Variants in ZNF516 observed in about 807,000 individuals in gnomAD.
ZNF516 encodes zinc finger protein 516.
Under a neutral mutation model 79.7 loss-of-function variants are expected in ZNF516, and 19 were observed. That is an observed-to-expected ratio of 0.24 (90% CI 0.17 to 0.35). The LOEUF is 0.35. Ranked by LOEUF, ZNF516 falls within the 10% of genes least tolerant of loss-of-function variation. The probability of loss-of-function intolerance (pLI) is 1.00; values close to 1 mark genes in which losing one functional copy is unlikely to be tolerated. For missense variants in ZNF516, 1,678 were observed against 1,679.5 expected (o/e 1.00, Z 0.02); for synonymous variants, 877 against 739.5 (o/e 1.19, Z -3.02).
chr18:76,484,330 A>G (rs191934134), intron 1 of ZNF516, among the ~76,000 whole-genome samples: 8 of 152,260 alleles, frequency 5.3e-5, no homozygotes, highest in Non-Finnish European at 8.8e-5. Context: ...TATAACACAT[A>G]TATGATTGTC....
Position 76,442,341 on chromosome 18 carries a change from G to A in ZNF516, c.714C>T (p.Asn238=), listed in dbSNP as rs1438824594. Residue 238 remains asparagine (N), a synonymous_variant, in exon 3 of 7, where the codon AAC becomes AAT. Transcript: ENST00000443185. ...GPGSGEACVE[N]GKPELSPGEF... ...CCCCGGGGCTCAGCTCGGGCTTGCC[G>A]TTCTCCACGCAGGCCTCGCCGCTGC... 28 of 1,610,550 alleles carry A rather than the reference G, an allele frequency of 1.7e-5. No individual in the cohort carries two copies. Among genetic ancestry groups the A allele is most frequent in the Non-Finnish European group, 2.3e-5 (27 of 1,179,170 alleles).
At chr18:76,473,664 G>C (rs1913996460) in intron 1 of ZNF516, among the ~76,000 whole-genome samples, 1 of 151,990 alleles carries the variant, frequency 6.6e-6, no homozygotes, top group Non-Finnish European at 1.5e-5. Context: ...ATCCAGGCTT[G>C]GTGGTGGGCG....
intron 6 of ZNF516, among the ~76,000 whole-genome samples, chr18:76,366,101 G>C (rs984583904): frequency 6.6e-6 from 1 of 152,182 alleles, no homozygotes; most frequent in Non-Finnish European, 1.5e-5. Flanking sequence ...GTGTCACCAC[G>C]AAAGGAAACT....
intron 3 of ZNF516, among the ~76,000 whole-genome samples, chr18:76,403,225 G>T (rs1390485741): frequency 6.6e-6 from 1 of 152,124 alleles, no homozygotes; most frequent in Admixed American, 6.5e-5. Context: ...TACTATACTG[G>T]TGCACCCGTT....
intron 3 of ZNF516, among the ~76,000 whole-genome samples, chr18:76,392,569 G>C (rs1236207354): frequency 2.0e-5 from 3 of 150,088 alleles, no homozygotes; most frequent in Non-Finnish European, 3.0e-5. Flanking sequence ...GTGGGGGAAA[G>C]GTGGATGGGA....
chr18:76,362,174 G>T lies in ZNF516; in HGVS notation c.*324C>A, dbSNP rs954790523. Reference sequence around the variant, plus strand: ...TTGTCTTGAATAAGACAGATGCCTTGTGCCCCTACTGTGCCTGCCAGTACT... The same window carrying T: ...TTGTCTTGAATAAGACAGATGCCTTTTGCCCCTACTGTGCCTGCCAGTACT... On this transcript the variant is annotated 3_prime_UTR_variant, in exon 7 of 7. Transcript: ENST00000443185. The T allele has an allele frequency of 1.9e-5, 5 of 260,366 alleles. No homozygotes were observed. Among genetic ancestry groups the T allele is most frequent in the Non-Finnish European group, 3.7e-5 (5 of 134,672 alleles). The allele number at this position is 260,366 out of a possible 1,614,324, so 16.1% of individuals were successfully genotyped here.
chr18:76,402,977 A>C (rs2075251869), intron 3 of ZNF516, among the ~76,000 whole-genome samples: 1 of 152,224 alleles, frequency 6.6e-6, no homozygotes, highest in Non-Finnish European at 1.5e-5. Context: ...GCCAGAAGCC[A>C]CCTGCAAAGG....
Position 76,379,960 on chromosome 18 carries a change from G to A in ZNF516, c.2154C>T (p.His718=), listed in dbSNP as rs770137695. 8 of 1,613,998 alleles carry A rather than the reference G, an allele frequency of 5.0e-6. No individual in the cohort carries two copies. The highest frequency in any genetic ancestry group is 6.8e-6 in the Non-Finnish European group (8 of 1,179,896). ...EKLSDLHNKE[H]SGGGKRALAP... ...CCAGCGCCCGCTTCCCTCCCCCAGA[G>A]TGTTCCTTGTTGTGCAAATCGGACA... is the stretch of plus-strand genomic sequence containing the variant. The change falls in exon 4 of 7, where the codon CAC becomes CAT. Residue 718 remains histidine (H), a synonymous_variant. Transcript: ENST00000443185.
At chr18:76,488,369 C>G in intron 1 of ZNF516, 1 of 502,954 alleles carries the variant, frequency 2.0e-6, no homozygotes, top group Non-Finnish European at 2.6e-6. Flanking sequence ...GCTAGTTAGG[C>G]AATAAATGCA....
chr18:76,365,644 G>C (rs1225950939), intron 6 of ZNF516, among the ~76,000 whole-genome samples: 1 of 152,184 alleles, frequency 6.6e-6, no homozygotes, highest in Non-Finnish European at 1.5e-5. Flanking sequence ...TTTAGAATTT[G>C]ATTTGGAGGA....
chr18:76,425,574 T>C (rs1381606194), intron 3 of ZNF516, among the ~76,000 whole-genome samples: 3 of 152,150 alleles, frequency 2.0e-5, no homozygotes, highest in Non-Finnish European at 4.4e-5. Flanking sequence ...GCTAAACATT[T>C]CTCCACATCT....
intron 4 of ZNF516, chr18:76,378,210 T>TAA (rs2074818925): frequency 6.6e-6 from 1 of 152,212 alleles, no homozygotes; most frequent in African/African-American, 2.4e-5. Context: ...AGCTAGCAAC[T>TAA]GCTTCTCAGT....
chr18:76,444,489 T>C (rs1911920797), intron 2 of ZNF516, among the ~76,000 whole-genome samples: 1 of 152,146 alleles, frequency 6.6e-6, no homozygotes, highest in Admixed American at 6.5e-5. Context: ...TAAACATCTA[T>C]AAAACCCAAA....
chr18:76,405,263 C>T (rs2075288641), intron 3 of ZNF516, among the ~76,000 whole-genome samples: 1 of 152,166 alleles, frequency 6.6e-6, no homozygotes. Context: ...AGGGGTTTGA[C>T]TCTTGCCCAG....
At chr18:76,488,044 G>A (rs933481336) in intron 1 of ZNF516, 22 of 985,146 alleles carry the variant, frequency 2.2e-5, no homozygotes, top group African/African-American at 3.5e-5. Flanking sequence ...ACAGAGGCTT[G>A]TCCACAGCCC....
Position 76,377,299 on chromosome 18 carries a change from G to A in ZNF516, c.3259+1556C>T, listed in dbSNP as rs533739936. Among the ~76,000 whole-genome samples the A allele has an allele frequency of 5.9e-5, 9 of 152,374 alleles. No individual in the cohort carries two copies. The East Asian group carries it at 9.6e-4, about 16-fold the overall frequency. On this transcript the variant is annotated intron_variant, in intron 4 of 6. Coordinates refer to ENST00000443185, the MANE Select transcript of ZNF516 (RefSeq NM_014643.4). ...TGAATGACGAGACCCTCGGGTGTCC[G>A]GGCCTACGGCCTCATCCTAAAAAGT...
intron 3 of ZNF516, among the ~76,000 whole-genome samples, chr18:76,425,130 C>T (rs1031985654): frequency 6.6e-6 from 1 of 152,152 alleles, no homozygotes. Flanking sequence ...CGGAGCCACA[C>T]CAGGTTCCAG....
At chr18:76,371,793 C>G (rs961340364) in intron 4 of ZNF516, among the ~76,000 whole-genome samples, 1 of 152,204 alleles carries the variant, frequency 6.6e-6, no homozygotes, top group Non-Finnish European at 1.5e-5. Context: ...TAAATTACAG[C>G]GAATTAAAAA....
intron 3 of ZNF516, among the ~76,000 whole-genome samples, chr18:76,384,308 C>A (rs1310816616): frequency 7.3e-6 from 1 of 137,220 alleles, no homozygotes; most frequent in Non-Finnish European, 1.6e-5. Flanking sequence ...TCCTCCACAG[C>A]CCCCATACCC....
Sources: allele counts gnomAD v4.1 joint callset (sites outside exome capture counted in the v4.1 genomes callset), GRCh38; gene constraint gnomAD v4.1.1; transcripts MANE v1.5; gene names NCBI Gene and HGNC (gene_info 2026-07-23, HGNC 2026-07-21).